Variants in HSPA14 observed in about 807,000 individuals in gnomAD.
The protein encoded by HSPA14 is heat shock protein family A (Hsp70) member 14.
Under a neutral mutation model 65.5 loss-of-function variants are expected in HSPA14, and 37 were observed. That is an observed-to-expected ratio of 0.56 (90% CI 0.43 to 0.74). The LOEUF (loss-of-function observed/expected upper bound fraction) is 0.74. Ranked by LOEUF, HSPA14 falls within the 30% of genes least tolerant of loss-of-function variation. HSPA14 has a pLI of 0.00. For synonymous variants in HSPA14, 203 were observed against 214.2 expected, an observed-to-expected ratio of 0.95 and a Z score of 0.46; for missense variants, 564 against 607.6, an observed-to-expected ratio of 0.93 and a Z score of 0.75.
intron 3 of HSPA14, chr10:14,844,561 G>A (rs1401931076): frequency 1.0e-6 from 1 of 985,510 alleles, no homozygotes; most frequent in Admixed American, 6.1e-5. Flanking sequence ...ATATCTACTA[G>A]TAAGCACTGT....
chr10:14,847,005 G>C, intron 3 of HSPA14: 1 of 985,406 alleles, frequency 1.0e-6, no homozygotes, highest in Non-Finnish European at 1.2e-6. Flanking sequence ...ATGTAGTTGT[G>C]GGTCAGTCCA....
chr10:14,838,469 T>C lies in HSPA14; in HGVS notation c.57+10T>C. On this transcript the variant is annotated intron_variant, in intron 1 of 13. Coordinates refer to ENST00000378372, the MANE Select transcript of HSPA14 (RefSeq NM_016299.4). ...TGTGGCCGTCTATAAGGTGAGGGGC[T>C]GCGGAGCTGGGCTAGGGCTTCATGA... 1 of 1,600,420 alleles carries C rather than the reference T, an allele frequency of 6.2e-7. No individual in the cohort carries two copies.
At chr10:14,846,821 AG>A in intron 3 of HSPA14, 2 of 985,416 alleles carry the variant, frequency 2.0e-6, no homozygotes, top group Non-Finnish European at 2.4e-6. Flanking sequence ...GGGATATTCA[AG>A]TAGGAGGAGG....
chr10:14,859,882 GCTTTAGAATTATTTTTTTCAA>G (rs560713200), intron 10 of HSPA14, among the ~76,000 whole-genome samples: 65 of 152,196 alleles, frequency 4.3e-4, no homozygotes, highest in African/African-American at 1.3e-3. Flanking sequence ...TTTTCAGAGA[GCTTTAGAATTATTTTTTTCAA>G]CTTACATAAA....
chr10:14,856,138 G>A (rs1832691117), intron 10 of HSPA14, among the ~76,000 whole-genome samples, 195 bp downstream of exon 10: 2 of 152,100 alleles, frequency 1.3e-5, no homozygotes, highest in South Asian at 4.1e-4. Context: ...CAGTTTCCTA[G>A]CAAAACAGAA....
chr10:14,855,991 T>A, intron 10 of HSPA14, 48 bp downstream of exon 10: 2 of 1,076,634 alleles, frequency 1.9e-6, no homozygotes, highest in Non-Finnish European at 2.9e-6. Flanking sequence ...AGTTTCAGAC[T>A]TGGAATTTAG....
At chr10:14,862,030 ATTT>A (rs140405636) in intron 10 of HSPA14, among the ~76,000 whole-genome samples, 4 of 133,752 alleles carry the variant, frequency 3.0e-5, no homozygotes, top group East Asian at 2.3e-4. Flanking sequence ...AAAGAAATAG[ATTT>A]TTTTTTTTTT....
chr10:14,845,598 A>AT (rs559219676), intron 3 of HSPA14: 53,579 of 669,642 alleles, frequency 0.08, 5 homozygotes, highest in Middle Eastern at 0.089. Context: ...TATTATTATT[A>AT]TTTTTTTTTT....
intron 3 of HSPA14, chr10:14,843,511 C>T (rs749583810): frequency 6.4e-7 from 1 of 1,550,674 alleles, no homozygotes; most frequent in Non-Finnish European, 8.7e-7. Flanking sequence ...CCGCAGCACT[C>T]CTGGGGTAGC....
intron 3 of HSPA14, chr10:14,845,704 G>A (rs767330909): frequency 5.3e-5 from 11 of 209,404 alleles, no homozygotes; most frequent in Admixed American, 1.3e-4. Context: ...CGGGATTACA[G>A]GTGCATGCCA....
At chr10:14,844,409 T>A in intron 3 of HSPA14, 2 of 994,528 alleles carry the variant, frequency 2.0e-6, no homozygotes, top group Non-Finnish European at 2.4e-6. Context: ...TGCTTGAATC[T>A]TTCCTTTGCT....
chr10:14,844,111 C>T (rs1306168561), intron 3 of HSPA14: 26 of 1,375,884 alleles, frequency 1.9e-5, no homozygotes, highest in East Asian at 2.9e-5. Context: ...TAATAGAAAA[C>T]GATGGAGCCA....
intron 11 of HSPA14, 24 bp downstream of exon 11, chr10:14,867,319 G>C (rs1832815808): frequency 6.7e-7 from 1 of 1,487,764 alleles, no homozygotes; most frequent in Non-Finnish European, 9.4e-7. Flanking sequence ...TTGTATACTA[G>C]TTAAGGTATG....
At chr10:14,868,418 A>G (rs1832825605) in intron 12 of HSPA14, among the ~76,000 whole-genome samples, 1 of 151,940 alleles carries the variant, frequency 6.6e-6, no homozygotes, top group Non-Finnish European at 1.5e-5. Flanking sequence ...ATCTTATACT[A>G]TGTGACCCTC....
rs1476237410 is a variant in HSPA14 at position 14,862,758 on chromosome 10, C to A, written c.994-4325C>A. ...GTAGTGGCACAATCATGGCTCACTGCAGCCTCGAACTCCCAGGCTCAGGTG... is the reference window on the plus strand; with the variant it reads ...GTAGTGGCACAATCATGGCTCACTGAAGCCTCGAACTCCCAGGCTCAGGTG... On this transcript the variant is annotated intron_variant, in intron 10 of 13. Transcript: ENST00000378372. 2.6e-5 allele frequency among the ~76,000 whole-genome samples: 4 copies of A among 152,100 alleles called. No individual in the cohort carries two copies. The East Asian group carries it at 7.7e-4, about 29-fold the overall frequency.
At chr10:14,846,688 A>G (rs1834058925) in intron 3 of HSPA14, 2 of 965,766 alleles carry the variant, frequency 2.1e-6, no homozygotes, top group Non-Finnish European at 2.5e-6. Context: ...GTGAGGATCA[A>G]AGGAACAGAT....
At chr10:14,866,659 A>C (rs1234782023) in intron 10 of HSPA14, among the ~76,000 whole-genome samples, 1 of 152,206 alleles carries the variant, frequency 6.6e-6, no homozygotes, top group Non-Finnish European at 1.5e-5. Flanking sequence ...TTTATGGCAT[A>C]GTTTTCACTA....
In HSPA14 at chr10:14,838,332, C is replaced by G. The variant is rs1833916955; in HGVS notation, c.-71C>G. ...TGAAGCTCCGCGGTGCCTGATGGGG[C>G]CGTTGGGCGGCCGGTAGCTGTTGCT... On this transcript the variant is annotated 5_prime_UTR_variant, in exon 1 of 14. Transcript: ENST00000378372. 6.8e-7 allele frequency: 1 copy of G among 1,466,648 alleles called. No homozygotes were observed. Among genetic ancestry groups the G allele is most frequent in the Non-Finnish European group, 9.3e-7 (1 of 1,077,658 alleles). 90.9% of individuals were successfully genotyped at this position (1,466,648 alleles called of 1,614,324 possible).
chr10:14,838,561 A>C, intron 1 of HSPA14, 102 bp downstream of exon 1: 1 of 1,208,094 alleles, frequency 8.3e-7, no homozygotes, highest in Non-Finnish European at 1.1e-6. Context: ...CGGCCTAGGG[A>C]TGTCGTGGAG....
Sources: gnomAD v4.1 joint callset for allele counts (sites outside exome capture counted in the v4.1 genomes callset) on GRCh38, gnomAD v4.1.1 for gene constraint, MANE v1.5 for transcripts, NCBI Gene and HGNC (gene_info 2026-07-23, HGNC 2026-07-21) for gene names.